Variants in CSMD1 observed in about 807,000 individuals in gnomAD.
The protein encoded by CSMD1 is CUB and sushi domain-containing protein 1.
A neutral mutation model predicts 417.5 loss-of-function variants in CSMD1; 213 were observed. The observed-to-expected ratio is 0.51, with a 90% CI of 0.46 to 0.57. The LOEUF is 0.57. Ranked by LOEUF, CSMD1 falls within the 20% of genes least tolerant of loss-of-function variation. The pLI is 0.00. For synonymous variants in CSMD1, 2,862 were observed against 1,736.8 expected, an observed-to-expected ratio of 1.65 and a Z score of -16.11; for missense variants, 6,923 against 4,529.7, an observed-to-expected ratio of 1.53 and a Z score of -15.17.
At chr8:4,080,725 G>A (rs1465914405) in intron 3 of CSMD1, among the ~76,000 whole-genome samples, 1 of 152,116 alleles carries the variant, frequency 6.6e-6, no homozygotes, top group Non-Finnish European at 1.5e-5. Context: ...TCTGCCATAG[G>A]AGAGAAAAAT....
intron 1 of CSMD1, among the ~76,000 whole-genome samples, chr8:4,791,908 A>T (rs570805161): frequency 6.6e-6 from 1 of 151,718 alleles, no homozygotes; most frequent in African/African-American, 2.4e-5. Context: ...TCTTATTCGA[A>T]AAGGTAGATT....
intron 22 of CSMD1, 88 bp from the exon 23 acceptor site, chr8:3,343,538 A>G: frequency 8.3e-7 from 1 of 1,205,410 alleles, no homozygotes; most frequent in South Asian, 1.5e-5. Context: ...ATCTTCAAAG[A>G]TGCAGTTTTA....
intron 5 of CSMD1, among the ~76,000 whole-genome samples, chr8:3,847,597 A>G (rs1253897745): frequency 2.0e-5 from 3 of 152,122 alleles, no homozygotes; most frequent in Non-Finnish European, 4.4e-5. Context: ...GACTGGGGTA[A>G]GGGGTCCTTG....
rs185540497 is a variant in CSMD1 at position 3,964,465 on chromosome 8, T to C, written c.818+33438A>G. On this transcript the variant is annotated intron_variant, in intron 5 of 69. Coordinates refer to ENST00000635120, the MANE Select transcript of CSMD1 (RefSeq NM_033225.6). ...GTGGAAGGAGACACAGGTGCTGGTA[T>C]GCCTCATTTTGCCGCATTTGTATTC... 2.6e-5 allele frequency among the ~76,000 whole-genome samples: 4 copies of C among 152,182 alleles called. No homozygotes were observed. In the South Asian group the frequency reaches 8.3e-4, roughly 32 times the overall value.
intron 23 of CSMD1, among the ~76,000 whole-genome samples, chr8:3,333,389 CTT>C (rs1807033767): frequency 7.1e-6 from 1 of 140,238 alleles, no homozygotes; most frequent in Non-Finnish European, 1.6e-5. Flanking sequence ...CTTTAAAACA[CTT>C]TATAAAATTA....
rs556344550 is a variant in CSMD1 at position 2,950,250 on chromosome 8, T to G, written c.10295A>C (p.Asn3432Thr). 1 of 1,610,656 alleles carries G rather than the reference T, an allele frequency of 6.2e-7. No individual in the cohort carries two copies. The highest frequency in any genetic ancestry group is 1.7e-5 in the Admixed American group (1 of 60,008). ...ACTTACATAACCATCTAGTCCCCAG[T>G]TGTCATTTTCGAACTTGCTTACAAA... ...DIFVSKFENDNWGLDGYVSSG... is the reference protein window; with the variant it reads ...DIFVSKFENDTWGLDGYVSSG... The change falls in exon 67 of 70, where the codon AAC becomes ACC. Residue 3432 changes from asparagine (N) to threonine (T), a missense_variant. Coordinates refer to ENST00000635120, the MANE Select transcript of CSMD1 (RefSeq NM_033225.6).
chr8:3,885,166 T>G (rs1387579648), intron 5 of CSMD1, among the ~76,000 whole-genome samples: 1 of 152,170 alleles, frequency 6.6e-6, no homozygotes, highest in Non-Finnish European at 1.5e-5. Flanking sequence ...TGTATCAGCG[T>G]TGAGTTTATT....
intron 1 of CSMD1, among the ~76,000 whole-genome samples, chr8:4,688,971 C>T (rs1039741195): frequency 6.6e-6 from 1 of 152,190 alleles, no homozygotes; most frequent in African/African-American, 2.4e-5. Context: ...TTTTCCAATT[C>T]TGGTATCAAT....
intron 3 of CSMD1, among the ~76,000 whole-genome samples, chr8:4,073,287 G>C (rs1055531474): frequency 6.6e-6 from 1 of 152,134 alleles, no homozygotes; most frequent in African/African-American, 2.4e-5. Flanking sequence ...GTTGAAAGAA[G>C]AGAGTAAAGA....
intron 3 of CSMD1, among the ~76,000 whole-genome samples, chr8:4,342,028 A>T (rs1374650914): frequency 6.6e-6 from 1 of 152,144 alleles, no homozygotes; most frequent in Admixed American, 6.6e-5. Context: ...GTCTCAAGAT[A>T]CAAATTCTTG....
At chr8:3,041,861 C>T (rs1413983670) in intron 50 of CSMD1, among the ~76,000 whole-genome samples, 1 of 152,200 alleles carries the variant, frequency 6.6e-6, no homozygotes, top group African/African-American at 2.4e-5. Flanking sequence ...GTGTAAAGTG[C>T]TTTAAAGCAG....
chr8:4,215,335 T>C (rs915294382), intron 3 of CSMD1, among the ~76,000 whole-genome samples: 1 of 152,202 alleles, frequency 6.6e-6, no homozygotes, highest in East Asian at 1.9e-4. Flanking sequence ...GGCTTTTAGA[T>C]GTCCACAGAT....
chr8:4,373,569 T>G (rs1802530938), intron 3 of CSMD1, among the ~76,000 whole-genome samples: 1 of 152,262 alleles, frequency 6.6e-6, no homozygotes, highest in Admixed American at 6.5e-5. Context: ...TCTTATCATT[T>G]AATTTCATCT....
chr8:3,913,487 G>A (rs761515756), intron 5 of CSMD1, among the ~76,000 whole-genome samples: 5 of 152,200 alleles, frequency 3.3e-5, no homozygotes, highest in African/African-American at 4.8e-5. Context: ...CTTGGAATGT[G>A]TCCCAGAAGT....
intron 2 of CSMD1, among the ~76,000 whole-genome samples, chr8:4,562,881 G>C (rs1001793882): frequency 6.6e-6 from 1 of 152,070 alleles, no homozygotes; most frequent in Non-Finnish European, 1.5e-5. Context: ...ACCTTAGTAA[G>C]TAACCTCCTT....
chr8:3,354,753 C>A (rs1808628940), intron 21 of CSMD1, among the ~76,000 whole-genome samples: 1 of 150,244 alleles, frequency 6.7e-6, no homozygotes, highest in Non-Finnish European at 1.5e-5. Context: ...AATTAAATAA[C>A]TACATAGAAT....
At chr8:3,234,367 A>T (rs1174124312) in intron 26 of CSMD1, among the ~76,000 whole-genome samples, 4 of 152,062 alleles carry the variant, frequency 2.6e-5, no homozygotes, top group Admixed American at 2.6e-4. Context: ...ACTCAATCAC[A>T]CTTATTTCTT....
intron 5 of CSMD1, among the ~76,000 whole-genome samples, chr8:3,784,122 AT>A (rs1393324747): frequency 1.3e-5 from 2 of 149,374 alleles, no homozygotes; most frequent in Middle Eastern, 3.5e-3. Context: ...ATAATTACAA[AT>A]TCTTTTTCCT....
chr8:4,791,578 G>A (rs1291021789), intron 1 of CSMD1, among the ~76,000 whole-genome samples: 5 of 152,170 alleles, frequency 3.3e-5, no homozygotes, highest in African/African-American at 9.7e-5. Context: ...AAACTAACGT[G>A]AGGAAATCTG....
Sources: gnomAD v4.1 joint callset for allele counts (sites outside exome capture counted in the v4.1 genomes callset) on GRCh38, gnomAD v4.1.1 for gene constraint, MANE v1.5 for transcripts, NCBI Gene and HGNC (gene_info 2026-07-23, HGNC 2026-07-21) for gene names.